The following SCUBE1 variants were observed in gnomAD, a reference collection of about 807,000 sequenced individuals.
SCUBE1 encodes signal peptide, CUB and EGF-like domain-containing protein 1.
In SCUBE1, 59 loss-of-function variants were observed where a neutral mutation model predicts 124.4. That is an observed-to-expected ratio of 0.47 (90% CI 0.38 to 0.59). SCUBE1 has a LOEUF of 0.59. Among genes scored for constraint, SCUBE1 ranks in the 20% least tolerant of loss-of-function variants. SCUBE1 has a pLI of 0.00. For synonymous variants in SCUBE1, 545 were observed against 550.9 expected, an observed-to-expected ratio of 0.99 and a Z score of 0.15; for missense variants, 1,150 against 1,371.2, an observed-to-expected ratio of 0.84 and a Z score of 2.55.
At chr22:43,205,441 G>A (rs960319071) in intron 21 of SCUBE1, among the ~76,000 whole-genome samples, 4 of 151,976 alleles carry the variant, frequency 2.6e-5, no homozygotes, top group African/African-American at 9.7e-5. Context: ...GCCTGGCCCA[G>A]GGAAGGTGTT....
intron 3 of SCUBE1, among the ~76,000 whole-genome samples, chr22:43,310,332 A>G (rs1181922749): frequency 6.6e-6 from 1 of 151,956 alleles, no homozygotes; most frequent in Non-Finnish European, 1.5e-5. Context: ...TACCCCCCTC[A>G]TTGGTGGAGG....
At chr22:43,252,341 GC>G (rs1923485003) in intron 6 of SCUBE1, among the ~76,000 whole-genome samples, 1 of 152,216 alleles carries the variant, frequency 6.6e-6, no homozygotes, top group Non-Finnish European at 1.5e-5. Context: ...GGAACCCTTA[GC>G]CCCTCTGAGC....
At chr22:43,222,832 A>C in intron 11 of SCUBE1, 90 bp from the exon 12 acceptor site, 1 of 1,114,258 alleles carries the variant, frequency 9.0e-7, no homozygotes, top group Non-Finnish European at 1.3e-6. Context: ...TTGTGGAGTG[A>C]GACGAAGATC....
In SCUBE1 at chr22:43,291,161, G is replaced by T; in HGVS notation, c.369C>A (p.Asp123Glu). Residue 123 changes from aspartate to glutamate, a missense_variant, in exon 4 of 22, where the codon GAC becomes GAA. Asp to Glu is a conservative substitution (Grantham distance 45). Coordinates refer to ENST00000360835, the MANE Select transcript of SCUBE1 (RefSeq NM_173050.5). Reference protein sequence around the residue: ...HNCLDVDECQDNNGGCQQICV... With the variant: ...HNCLDVDECQENNGGCQQICV... ...AGATCTGCTGGCAGCCACCATTATT[G>T]TCCTGACACTCGTCCACATCTGTGA... 1.2e-6 allele frequency: 2 copies of T among 1,611,728 alleles called. No homozygotes were observed. Among genetic ancestry groups the T allele is most frequent in the Non-Finnish European group, 1.7e-6 (2 of 1,177,986 alleles).
intron 4 of SCUBE1, among the ~76,000 whole-genome samples, chr22:43,273,138 C>T (rs759489508): frequency 2.0e-5 from 3 of 152,234 alleles, no homozygotes; most frequent in African/African-American, 7.2e-5. Flanking sequence ...CAACCCCACA[C>T]GCTCATTCTC....
At chr22:43,307,649 G>C (rs1258584807) in intron 3 of SCUBE1, among the ~76,000 whole-genome samples, 6 of 152,324 alleles carry the variant, frequency 3.9e-5, no homozygotes, top group Admixed American at 3.9e-4. Flanking sequence ...ACTTTGCAGA[G>C]GTAGAGACAG....
At chr22:43,246,506 T>C (rs1287485793) in intron 6 of SCUBE1, among the ~76,000 whole-genome samples, 1 of 152,224 alleles carries the variant, frequency 6.6e-6, no homozygotes, top group Non-Finnish European at 1.5e-5. Context: ...TGCCAGGCCC[T>C]GTGCAAAGCC....
At chr22:43,257,442 A>G (rs1923702538) in intron 6 of SCUBE1, among the ~76,000 whole-genome samples, 1 of 152,200 alleles carries the variant, frequency 6.6e-6, no homozygotes, top group Non-Finnish European at 1.5e-5. Flanking sequence ...TAAGTGGGAG[A>G]AAAAAACCTA....
In SCUBE1 at chr22:43,255,336, AC is replaced by A. The variant is rs1923615080; in HGVS notation, c.727+2882del. ...GACTGCACACACGTGGGCACACCCCACAACACAGACATATGCCCCCACACGC... is the reference window on the plus strand; with the variant it reads ...GACTGCACACACGTGGGCACACCCCAAACACAGACATATGCCCCCACACGC... On this transcript the variant is annotated intron_variant, in intron 6 of 21. Transcript: ENST00000360835. The surrounding 1 kb of genome is among the most constrained non-coding windows in gnomAD (Gnocchi z 4.7). 1.3e-5 allele frequency among the ~76,000 whole-genome samples: 2 copies of A among 151,732 alleles called. No individual in the cohort carries two copies. The highest frequency in any genetic ancestry group is 2.9e-5 in the Non-Finnish European group (2 of 68,012).
intron 6 of SCUBE1, among the ~76,000 whole-genome samples, chr22:43,257,568 C>T (rs552089308): frequency 7.7e-4 from 117 of 152,260 alleles, no homozygotes; most frequent in Non-Finnish European, 1.5e-3. Flanking sequence ...AGGTGAGAGA[C>T]GGGCTGGGGC....
chr22:43,223,091 G>T lies in SCUBE1; in HGVS notation c.1327+6C>A. ...AGCATCCCATCTCAGGGACGGCCCG[G>T]GTTACCTGGCACGAAGAGTGTGTGA... On this transcript the variant is annotated splice_donor_region_variant and intron_variant, in intron 11 of 21. Transcript: ENST00000360835. 6.5e-7 allele frequency: 1 copy of T among 1,531,632 alleles called. No homozygotes were observed. The highest frequency in any genetic ancestry group is 8.7e-7 in the Non-Finnish European group (1 of 1,142,948). The allele number at this position is 1,531,632 out of a possible 1,614,324, so 94.9% of individuals were successfully genotyped here.
At chr22:43,228,796 T>C (rs1443719286) in intron 9 of SCUBE1, among the ~76,000 whole-genome samples, 1 of 152,214 alleles carries the variant, frequency 6.6e-6, no homozygotes, top group Non-Finnish European at 1.5e-5. Flanking sequence ...AGTTCTCTAG[T>C]AAATGGGGTT....
At position 43,222,676 on chromosome 22, in the gene SCUBE1, C is replaced by T. The variant is rs762985267; in HGVS notation, c.1394G>A (p.Arg465His). ...PGPQGKALQK[R>H]NGTSSGLGPS... ...CCCGAGGCCAGAGCTGGTGCCGTTG[C>T]GTTTCTGCAGCGCCTTGCCCTGCGG... Residue 465 changes from arginine to histidine, a missense_variant, in exon 12 of 22, where the codon CGC (arginine) becomes CAC (histidine). Arg to His is a conservative substitution (Grantham distance 29). This residue lies in a region of SCUBE1 where 757 missense variants were observed against 840.9 expected (regional missense o/e 0.90). Transcript: ENST00000360835. 234 of 1,603,786 alleles carry T rather than the reference C, an allele frequency of 1.5e-4. No homozygotes were observed. Among genetic ancestry groups the T allele is most frequent in the Admixed American group, 3.0e-4 (18 of 59,106 alleles).
rs1002093058 is a variant in SCUBE1 at position 43,223,149 on chromosome 22, G to A, written c.1275C>T (p.Gly425=). 3 of 1,562,360 alleles carry A rather than the reference G, an allele frequency of 1.9e-6. No homozygotes were observed. Among genetic ancestry groups the A allele is most frequent in the Non-Finnish European group, 2.6e-6 (3 of 1,163,738 alleles). The stretch of plus-strand genomic sequence containing the variant: ...AGGAAAGGAAGCAGCTCTCCACACC[G>A]CCTGCCTTGCTGCAGGACAGCTGGG... ...PRAQLSCSKA[G]GVESCFLSCP... The change falls in exon 11 of 22, where the codon GGC becomes GGT. Residue 425 remains glycine (G), a synonymous_variant. Coordinates refer to ENST00000360835, the MANE Select transcript of SCUBE1 (RefSeq NM_173050.5).
At chr22:43,288,951 ACCT>A (rs202126449) in intron 4 of SCUBE1, among the ~76,000 whole-genome samples, 1,580 of 152,258 alleles carry the variant, frequency 0.01, 24 homozygotes, top group African/African-American at 0.036. Context: ...AAGGTTTGTA[ACCT>A]CCTCAGCACA....
intron 8 of SCUBE1, among the ~76,000 whole-genome samples, 159 bp downstream of exon 8, chr22:43,231,594 T>C (rs1472771218): frequency 2.6e-5 from 4 of 152,262 alleles, no homozygotes; most frequent in East Asian, 1.9e-4. Flanking sequence ...AAGGAACAGA[T>C]TGGACTGGAT....
At chr22:43,207,660 C>A in intron 20 of SCUBE1, 47 bp from the exon 21 acceptor site, 1 of 1,410,574 alleles carries the variant, frequency 7.1e-7, no homozygotes, top group Non-Finnish European at 1.0e-6. Context: ...GGGCTTGAGG[C>A]CCACGTGCTC....
chr22:43,266,113 A>AAG (rs976967862), intron 4 of SCUBE1, among the ~76,000 whole-genome samples: 32 of 152,144 alleles, frequency 2.1e-4, no homozygotes, highest in Non-Finnish European at 2.1e-4. Context: ...AGAAAAAAAA[A>AAG]ATATTACATG....
chr22:43,213,484 T>G (rs555502551), intron 16 of SCUBE1: 1 of 152,308 alleles, frequency 6.6e-6, no homozygotes, highest in East Asian at 1.9e-4. Flanking sequence ...TGGGTGAAAC[T>G]CACAGTGGCC....
Sources: allele counts gnomAD v4.1 joint callset (sites outside exome capture counted in the v4.1 genomes callset), GRCh38; gene constraint gnomAD v4.1.1; regional missense constraint gnomAD v4.1.1; non-coding constraint Gnocchi (gnomAD v3.1); transcripts MANE v1.5; gene names NCBI Gene and HGNC (gene_info 2026-07-23, HGNC 2026-07-21).